RANGAP1: variants seen among roughly 807,000 people sequenced by gnomAD.
RANGAP1 encodes the protein Ran GTPase activating protein 1.
RANGAP1 carries 38 observed loss-of-function variants against 63.5 expected under a neutral mutation model. The ratio of observed to expected loss-of-function variants is 0.60; its 90% CI spans 0.46 to 0.78. The LOEUF (loss-of-function observed/expected upper bound fraction) is 0.78. RANGAP1 is among the 30% of genes least tolerant of loss of function. RANGAP1 has a pLI of 0.00. For synonymous variants in RANGAP1, 329 were observed against 310.5 expected (o/e 1.06, Z -0.63); for missense variants, 630 against 740.3 (o/e 0.85, Z 1.73).
chr22:41,281,270 G>T, intron 1 of RANGAP1, 188 bp from the exon 2 acceptor site: 1 of 802,462 alleles, frequency 1.2e-6, no homozygotes, highest in Non-Finnish European at 1.7e-6. Context: ...GCAGGAGGTA[G>T]TAAAAGAACA....
chr22:41,251,125 A>G lies in RANGAP1; in HGVS notation c.1381-16T>C, dbSNP rs779421060. On this transcript the variant is annotated splice_polypyrimidine_tract_variant and intron_variant, in intron 12 of 15. Transcript: ENST00000356244. ...ACGTGTCAGTCTGAGGACAAAAGAG[A>G]CAATGGTTGGCCTGTGGCACGTGGT... 5 of 1,608,018 alleles carry G rather than the reference A, an allele frequency of 3.1e-6. No individual in the cohort carries two copies. In the African/African-American group the frequency reaches 5.3e-5, roughly 17 times the overall value.
At chr22:41,297,338 C>T in the RANGAP1 span, among the ~76,000 whole-genome samples, 16 of 152,148 alleles carry the variant, frequency 1.1e-4, no homozygotes, top group African/African-American at 3.9e-4. Context: ...TGAGGCCCAT[C>T]CACCTTAGGG....
intron 12 of RANGAP1, 33 bp from the exon 13 acceptor site, chr22:41,251,142 G>C (rs758769303): frequency 6.4e-7 from 1 of 1,572,972 alleles, no homozygotes; most frequent in Non-Finnish European, 8.7e-7. Flanking sequence ...TTGGCCTGTG[G>C]CACGTGGTGG....
In RANGAP1 at chr22:41,251,050, G is replaced by C. The variant is rs985425805; in HGVS notation, c.1440C>G (p.Phe480Leu). The C allele has an allele frequency of 1.2e-6, 2 of 1,614,016 alleles. No homozygotes were observed. Among genetic ancestry groups the C allele is most frequent in the African/African-American group, 2.7e-5 (2 of 74,896 alleles). ...CCATCCTCACAGTAGCTTCGTCCTT[G>C]AACACAGATGACACCTTTAGGAAGG... ...VSAFLKVSSV[F>L]KDEATVRMAV... The change falls in exon 13 of 16, where the codon TTC becomes TTG. Residue 480 changes from phenylalanine (F) to leucine (L), a missense_variant. Phe to Leu is a conservative substitution (Grantham distance 22). Transcript: ENST00000356244.
At chr22:41,280,215 G>A (rs2035417991) in intron 2 of RANGAP1, among the ~76,000 whole-genome samples, 1 of 152,210 alleles carries the variant, frequency 6.6e-6, no homozygotes. Flanking sequence ...CCTCCGACCT[G>A]GAGAGGAGAA....
rs757832820 is a variant in RANGAP1 at position 41,251,036 on chromosome 22, G to A, written c.1454C>T (p.Thr485Ile). 3.1e-6 allele frequency: 5 copies of A among 1,614,060 alleles called. No homozygotes were observed. Among genetic ancestry groups the A allele is most frequent in the Non-Finnish European group, 4.2e-6 (5 of 1,180,046 alleles). The change falls in exon 13 of 16, where the codon ACT becomes ATT. Residue 485 changes from threonine to isoleucine, a missense_variant. Thr to Ile is a moderately conservative substitution (Grantham distance 89). Coordinates refer to ENST00000356244, the MANE Select transcript of RANGAP1 (RefSeq NM_002883.4). ...KVSSVFKDEA[T>I]VRMAVQDAVD... ...TGCATCCTGCACTGCCATCCTCACA[G>A]TAGCTTCGTCCTTGAACACAGATGA...
At chr22:41,253,383 A>G (rs1343859204) in intron 11 of RANGAP1, among the ~76,000 whole-genome samples, 1 of 152,250 alleles carries the variant, frequency 6.6e-6, no homozygotes, top group Non-Finnish European at 1.5e-5. Context: ...TGCCCAGAGG[A>G]AAAACTGAAT....
the RANGAP1 span, among the ~76,000 whole-genome samples, chr22:41,299,853 G>C: frequency 6.6e-6 from 1 of 152,004 alleles, no homozygotes; most frequent in African/African-American, 2.4e-5. Flanking sequence ...CCGGATTCAC[G>C]CCATTCTCCT....
At chr22:41,292,561 C>T in the RANGAP1 span, among the ~76,000 whole-genome samples, 1 of 151,662 alleles carries the variant, frequency 6.6e-6, no homozygotes, top group Non-Finnish European at 1.5e-5. Flanking sequence ...GATTTTGAGA[C>T]CCGCCTGACC....
chr22:41,267,966 C>T, intron 4 of RANGAP1, 131 bp downstream of exon 4: 1 of 964,364 alleles, frequency 1.0e-6, no homozygotes, highest in African/African-American at 1.6e-5. Context: ...ACTTGCCGGG[C>T]TTCCATTCCA....
At chr22:41,279,151 T>A (rs553837588) in intron 2 of RANGAP1, among the ~76,000 whole-genome samples, 12 of 133,682 alleles carry the variant, frequency 9.0e-5, no homozygotes, top group South Asian at 4.7e-4. Flanking sequence ...TCAAAAAAAA[T>A]AATAATAATA....
intron 12 of RANGAP1, among the ~76,000 whole-genome samples, chr22:41,252,388 C>T (rs1249565020): frequency 1.3e-5 from 2 of 152,122 alleles, no homozygotes; most frequent in Non-Finnish European, 1.5e-5. Flanking sequence ...TAAATAAAAT[C>T]ATGCCCAAAT....
intron 11 of RANGAP1, 54 bp from the exon 12 acceptor site, chr22:41,253,045 A>C (rs991058489): frequency 7.3e-7 from 1 of 1,372,824 alleles, no homozygotes; most frequent in African/African-American, 1.5e-5. Flanking sequence ...AGACTCCCCG[A>C]CACAGCTGTG....
At chr22:41,273,191 C>T (rs1017474160) in intron 3 of RANGAP1, among the ~76,000 whole-genome samples, 1 of 152,082 alleles carries the variant, frequency 6.6e-6, no homozygotes, top group Admixed American at 6.6e-5. Flanking sequence ...TGTGAGCAGG[C>T]AATGACATGC....
the RANGAP1 span, among the ~76,000 whole-genome samples, chr22:41,295,403 A>G: frequency 6.6e-6 from 1 of 152,094 alleles, no homozygotes; most frequent in Non-Finnish European, 1.5e-5. Context: ...CCTTACCCCC[A>G]ACCCTGTGCT....
chr22:41,260,208 A>C (rs757046890), intron 6 of RANGAP1, among the ~76,000 whole-genome samples: 3 of 152,150 alleles, frequency 2.0e-5, no homozygotes, highest in Non-Finnish European at 2.9e-5. Context: ...TTCTATCCAC[A>C]TACTGGGGGG....
chr22:41,261,001 G>C (rs1167654907), intron 6 of RANGAP1, among the ~76,000 whole-genome samples: 1 of 152,178 alleles, frequency 6.6e-6, no homozygotes, highest in Non-Finnish European at 1.5e-5. Context: ...AAGGTCACCT[G>C]AGAGCACGTC....
chr22:41,287,798 C>G (rs1025150636), upstream of RANGAP1, among the ~76,000 whole-genome samples: 2 of 151,880 alleles, frequency 1.3e-5, no homozygotes, highest in African/African-American at 4.8e-5. Flanking sequence ...ACCAGCCTGA[C>G]CAAAATGGAG....
chr22:41,247,156 C>T (rs1208575622), intron 15 of RANGAP1, among the ~76,000 whole-genome samples: 2 of 151,918 alleles, frequency 1.3e-5, no homozygotes, highest in African/African-American at 2.4e-5. Flanking sequence ...CCCGAGTTCA[C>T]GCCATTCTCC....
Sources: gnomAD v4.1 joint callset for allele counts (sites outside exome capture counted in the v4.1 genomes callset) on GRCh38, gnomAD v4.1.1 for gene constraint, MANE v1.5 for transcripts, NCBI Gene and HGNC (gene_info 2026-07-23, HGNC 2026-07-21) for gene names.